ZEB2: variants seen among roughly 807,000 people sequenced by gnomAD.
ZEB2 encodes zinc finger E-box-binding homeobox 2.
In ZEB2, 6 loss-of-function variants were observed where a neutral mutation model predicts 99.9. The ratio of observed to expected loss-of-function variants is 0.06; its 90% confidence interval spans 0.03 to 0.12. The LOEUF is 0.12. Among genes scored for constraint, ZEB2 ranks in the 10% least tolerant of loss-of-function variants. The pLI, the probability that ZEB2 is intolerant of heterozygous loss-of-function variation, is 1.00. For synonymous variants in ZEB2, 517 were observed against 542.5 expected (o/e 0.95, Z 0.65); for missense variants, 969 against 1,502.8 (o/e 0.64, Z 5.87).
intron 2 of ZEB2, among the ~76,000 whole-genome samples, chr2:144,491,627 T>C (rs1704683308): frequency 1.3e-5 from 2 of 152,242 alleles, no homozygotes; most frequent in Admixed American, 6.5e-5. Context: ...ACTCAGCATA[T>C]AGGAAATGGT....
intron 2 of ZEB2, among the ~76,000 whole-genome samples, chr2:144,492,882 C>T (rs140272903): frequency 5.0e-4 from 76 of 152,228 alleles, no homozygotes; most frequent in African/African-American, 1.6e-3. Context: ...TTCATTATAC[C>T]TTTGCTTTAA....
chr2:144,462,930 GCA>G (rs1704215492), intron 2 of ZEB2: 1 of 152,164 alleles, frequency 6.6e-6, no homozygotes, highest in African/African-American at 2.4e-5. Flanking sequence ...TATTGTATTA[GCA>G]CAGTTTCTGA....
intron 3 of ZEB2, chr2:144,428,005 T>A (rs1336962803): frequency 6.6e-6 from 1 of 152,212 alleles, no homozygotes; most frequent in Non-Finnish European, 1.5e-5. Context: ...AGCTTGACAT[T>A]GCTGTTTGGC....
At chr2:144,505,417 G>A (rs1009051523) in intron 2 of ZEB2, among the ~76,000 whole-genome samples, 1 of 152,200 alleles carries the variant, frequency 6.6e-6, no homozygotes, top group African/African-American at 2.4e-5. Flanking sequence ...CATTTAAAAA[G>A]ACTAGATAAA....
chr2:144,517,414 C>G lies in ZEB2; in HGVS notation c.-64G>C. 1 of 1,584,066 alleles carries G rather than the reference C, an allele frequency of 6.3e-7. No homozygotes were observed. The highest frequency in any genetic ancestry group is 8.7e-7 in the Non-Finnish European group (1 of 1,154,318). ...GCGCCCTGCTTCGGCAGCACGCAGG[C>G]TCGATCTAGCAACCAAACACAGCGA... On this transcript the variant is annotated 5_prime_UTR_variant, in exon 2 of 10. Coordinates refer to ENST00000627532, the MANE Select transcript of ZEB2 (RefSeq NM_014795.4).
chr2:144,512,546 A>C (rs1705058398), intron 2 of ZEB2: 2 of 1,287,098 alleles, frequency 1.6e-6, no homozygotes, highest in Admixed American at 4.6e-5. Flanking sequence ...AGGGAACTTT[A>C]ATCTTGGTTT....
chr2:144,484,203 G>GTGTGTGTGTGTGTGTGTGTGTGTGTGTA (rs1008432723), intron 2 of ZEB2, among the ~76,000 whole-genome samples: 3 of 151,944 alleles, frequency 2.0e-5, no homozygotes, highest in African/African-American at 7.3e-5. Flanking sequence ...GTGTGTGTGT[G>GTGTGTGTGTGTGTGTGTGTGTGTGTGTA]TGTGTGTGTG....
rs1465933533 is a variant in ZEB2, at chr2:144,400,129, G to T, written c.1058C>A (p.Ser353Tyr). The T allele has an allele frequency of 6.2e-7, 1 of 1,614,002 alleles. No individual in the cohort carries two copies. Among genetic ancestry groups the T allele is most frequent in the Non-Finnish European group, 8.5e-7 (1 of 1,179,862 alleles). The stretch of plus-strand genomic sequence containing the variant: ...AGGAGAAGAAGAAACAGAATTAGGG[G>T]AAGAACCCGTCTTGATATTGTTTCT... ...RMRNNIKTGS[S>Y]PNSVSSSPTN... Residue 353 changes from serine to tyrosine, a missense_variant, in exon 8 of 10, where the codon TCC becomes TAC. Transcript: ENST00000627532.
chr2:144,394,203 G>A (rs1349566497), intron 9 of ZEB2, among the ~76,000 whole-genome samples: 1 of 152,178 alleles, frequency 6.6e-6, no homozygotes, highest in Non-Finnish European at 1.5e-5. Flanking sequence ...TTATAGGCAT[G>A]AGCCACCGCA....
At chr2:144,513,695 CAG>C (rs1705082320) in intron 2 of ZEB2, 2 of 1,535,750 alleles carry the variant, frequency 1.3e-6, no homozygotes, top group Non-Finnish European at 1.7e-6. Flanking sequence ...CTGCCCGAAT[CAG>C]GGGCAAAAGC....
intron 2 of ZEB2, among the ~76,000 whole-genome samples, chr2:144,453,999 C>T (rs987243132): frequency 1.1e-4 from 16 of 152,304 alleles, no homozygotes; most frequent in Middle Eastern, 3.4e-3. Flanking sequence ...ATGTTGTGCT[C>T]ACATCTGAAA....
intron 9 of ZEB2, 146 bp from the exon 10 acceptor site, chr2:144,390,174 G>C: frequency 1.1e-6 from 1 of 899,282 alleles, no homozygotes; most frequent in Non-Finnish European, 1.7e-6. Context: ...TCGATGGAGA[G>C]TTAGGAAGAT....
chr2:144,404,368 T>G (rs1248927285), intron 5 of ZEB2, among the ~76,000 whole-genome samples: 102 of 49,728 alleles, frequency 2.1e-3, no homozygotes, highest in Middle Eastern at 0.019. Flanking sequence ...TTTTTTTTTT[T>G]TGGGGGGGTG....
chr2:144,436,792 A>C (rs544530132), intron 2 of ZEB2, among the ~76,000 whole-genome samples: 1 of 152,338 alleles, frequency 6.6e-6, no homozygotes, highest in East Asian at 1.9e-4. Context: ...AATGGCAAAT[A>C]AGAATAAAAG....
chr2:144,418,868 G>A (rs902694493), intron 4 of ZEB2, among the ~76,000 whole-genome samples: 2 of 151,912 alleles, frequency 1.3e-5, no homozygotes, highest in Admixed American at 6.6e-5. Context: ...CATTGGGCAC[G>A]GTGTACACTG....
At chr2:144,515,869 T>G (rs1705127367) in intron 2 of ZEB2, 1 of 152,280 alleles carries the variant, frequency 6.6e-6, no homozygotes, top group Admixed American at 6.5e-5. Flanking sequence ...TGTGTTTTGC[T>G]CCTTCCAGCA....
chr2:144,407,077 A>AT (rs1280664306), intron 4 of ZEB2, among the ~76,000 whole-genome samples: 1 of 152,248 alleles, frequency 6.6e-6, no homozygotes, highest in African/African-American at 2.4e-5. Flanking sequence ...GAACACTAGA[A>AT]TTCTAAAAAG....
intron 9 of ZEB2, among the ~76,000 whole-genome samples, chr2:144,394,843 C>G (rs1703199932): frequency 6.6e-6 from 1 of 152,186 alleles, no homozygotes; most frequent in South Asian, 2.1e-4. Context: ...ATGCTGGTCA[C>G]TTGAGCTGCC....
At chr2:144,499,524 T>A (rs1704838867) in intron 2 of ZEB2, among the ~76,000 whole-genome samples, 1 of 152,226 alleles carries the variant, frequency 6.6e-6, no homozygotes. Context: ...AACAGTTAAT[T>A]TCTGTAAACG....
Sources: allele counts gnomAD v4.1 joint callset (sites outside exome capture counted in the v4.1 genomes callset), GRCh38; gene constraint gnomAD v4.1.1; transcripts MANE v1.5; gene names NCBI Gene and HGNC (gene_info 2026-07-23, HGNC 2026-07-21).